ZFHX3: variants seen among roughly 807,000 people sequenced by gnomAD.
The protein encoded by ZFHX3 is zinc finger homeobox 3.
Under a neutral mutation model 279.1 loss-of-function variants are expected in ZFHX3, and 42 were observed. That is an observed-to-expected ratio of 0.15 (90% CI 0.12 to 0.19). The LOEUF (loss-of-function observed/expected upper bound fraction) is 0.19, where lower values mean the gene tolerates loss of function less well. Among genes scored for constraint, ZFHX3 ranks in the 10% least tolerant of loss-of-function variants. The probability of loss-of-function intolerance (pLI) is 1.00; values close to 1 mark genes in which losing one functional copy is unlikely to be tolerated. For synonymous variants in ZFHX3, 2,293 were observed against 1,957.8 expected, an observed-to-expected ratio of 1.17 and a Z score of -4.52; for missense variants, 4,981 against 4,754.0, an observed-to-expected ratio of 1.05 and a Z score of -1.40.
intron 2 of ZFHX3, among the ~76,000 whole-genome samples, chr16:73,542,039 A>G (rs1597375321): frequency 6.6e-6 from 1 of 151,680 alleles, no homozygotes. Context: ...TGACCTCGTG[A>G]TCTGCCCACC....
At position 72,907,657 on chromosome 16, in the gene ZFHX3, G is replaced by A. The variant is rs540226190; in HGVS notation, c.3217-17695C>T. On this transcript the variant is annotated intron_variant, in intron 3 of 9. Transcript: ENST00000268489. ...TCAGGCCACTTCCTCCTGTGTACAA[G>A]TCCATGCTAGATCCTCCAAATTCCT... Among the ~76,000 whole-genome samples the A allele has an allele frequency of 6.9e-4, 102 of 146,876 alleles. 2 individuals are homozygous for A. The highest frequency in any genetic ancestry group is 1.1e-3 in the Admixed American group (16 of 14,500).
intron 2 of ZFHX3, among the ~76,000 whole-genome samples, chr16:73,663,367 A>G (rs554526722): frequency 1.3e-5 from 2 of 152,304 alleles, no homozygotes; most frequent in East Asian, 3.9e-4. Context: ...TGCAACAGGC[A>G]TTCATCCAAG....
chr16:73,554,103 C>T (rs958766339), intron 2 of ZFHX3, among the ~76,000 whole-genome samples: 1 of 152,202 alleles, frequency 6.6e-6, no homozygotes, highest in African/African-American at 2.4e-5. Flanking sequence ...GTTTAGTTCT[C>T]TTCCTGCCAA....
At chr16:73,234,773 T>A (rs2012889301) in intron 5 of ZFHX3, among the ~76,000 whole-genome samples, 1 of 152,258 alleles carries the variant, frequency 6.6e-6, no homozygotes, top group South Asian at 2.1e-4. Context: ...CTCAAGGTTA[T>A]CAAAGTTTCT....
intron 5 of ZFHX3, among the ~76,000 whole-genome samples, chr16:73,170,141 T>C (rs562164811): frequency 6.6e-6 from 1 of 151,496 alleles, no homozygotes; most frequent in East Asian, 1.9e-4. Context: ...TGATGCTAAC[T>C]GCGAAAGTGC....
In ZFHX3 at chr16:73,626,384, G is replaced by A. The variant is rs749431701; in HGVS notation, c.-1547+53796C>T. On this transcript the variant is annotated intron_variant, in intron 2 of 17. Coordinates refer to the ZFHX3 transcript ENST00000641206. ...TGTGCCCCCTCCCCCCGCCAAAGGA[G>A]ATTTTCATCTCTAAATGCAAATTTT... 1.1e-3 allele frequency among the ~76,000 whole-genome samples: 163 copies of A among 151,994 alleles called. 2 individuals are homozygous for A. The highest frequency in any genetic ancestry group is 6.8e-3 in the Middle Eastern group (2 of 294).
upstream of ZFHX3, chr16:73,061,393 G>A (rs1484970796): frequency 6.7e-6 from 1 of 148,316 alleles, no homozygotes; most frequent in Non-Finnish European, 1.5e-5. Flanking sequence ...TTTTTTTTAA[G>A]GGAAGGATGA....
In ZFHX3 at chr16:72,796,564, G is replaced by A. The variant is rs1322353590; in HGVS notation, c.6118C>T (p.Pro2040Ser). The A allele has an allele frequency of 3.7e-6, 6 of 1,611,428 alleles. No homozygotes were observed. The highest frequency in any genetic ancestry group is 2.2e-5 in the East Asian group (1 of 44,756). ...GGAGGGGGTGGAGGGGGAGGTGGTGGTGGCTCTGGGGTCTGGGGCCTCAGT... is the reference window on the plus strand; with the variant it reads ...GGAGGGGGTGGAGGGGGAGGTGGTGATGGCTCTGGGGTCTGGGGCCTCAGT... The part of the protein sequence containing the change: ...YPLRPQTPEP[P>S]PPPPPPPPPP... The change falls in exon 9 of 10, where the codon CCA (proline) becomes TCA (serine). Residue 2040 changes from proline (P) to serine (S), a missense_variant. Around this residue, in one of 7 missense-constraint regions of ZFHX3, gnomAD observed 1,751 missense variants for 1,770.0 expected, o/e 0.99. Transcript: ENST00000268489.
intron 1 of ZFHX3, among the ~76,000 whole-genome samples, chr16:73,811,525 AC>A: frequency 6.7e-6 from 1 of 148,210 alleles, no homozygotes; most frequent in South Asian, 2.1e-4. Context: ...GCTCACTGTA[AC>A]CTCTGCCTCC....
intron 1 of ZFHX3, among the ~76,000 whole-genome samples, chr16:72,994,915 C>A (rs140147860): frequency 6.6e-6 from 1 of 152,182 alleles, no homozygotes; most frequent in Non-Finnish European, 1.5e-5. Flanking sequence ...TAGCAATATT[C>A]CGGAACCCCT....
chr16:73,478,314 A>G (rs936966395), intron 2 of ZFHX3, among the ~76,000 whole-genome samples: 8 of 151,446 alleles, frequency 5.3e-5, no homozygotes, highest in African/African-American at 1.7e-4. Context: ...AAGCCATATG[A>G]CATGCCTGAA....
chr16:73,671,823 T>G (rs1331351142), intron 2 of ZFHX3, among the ~76,000 whole-genome samples: 1 of 152,246 alleles, frequency 6.6e-6, no homozygotes, highest in Admixed American at 6.5e-5. Context: ...GCATTTAGTT[T>G]TAAATATCAT....
intron 2 of ZFHX3, among the ~76,000 whole-genome samples, chr16:73,658,428 G>A (rs867172343): frequency 1.2e-4 from 18 of 152,174 alleles, no homozygotes; most frequent in African/African-American, 4.1e-4. Context: ...TCAGCCTCCC[G>A]AGTAGCTGGG....
chr16:73,031,462 T>C (rs1964697468), intron 1 of ZFHX3, among the ~76,000 whole-genome samples: 1 of 152,136 alleles, frequency 6.6e-6, no homozygotes, highest in African/African-American at 2.4e-5. Context: ...GGAAAAGCGA[T>C]TTTCCTTGGT....
intron 4 of ZFHX3, among the ~76,000 whole-genome samples, chr16:73,280,169 T>C (rs192705682): frequency 2.4e-4 from 37 of 152,256 alleles, no homozygotes; most frequent in Admixed American, 6.5e-4. Flanking sequence ...ATAACACTCT[T>C]AGAAGAGAAC....
At chr16:73,779,439 ATC>A (rs1959377153) in intron 1 of ZFHX3, among the ~76,000 whole-genome samples, 1 of 322 alleles carries the variant, frequency 3.1e-3, no homozygotes, top group Admixed American at 0.042. Flanking sequence ...GTATGGAATC[ATC>A]GAGAAGAAAA....
chr16:73,885,866 C>T (rs182744496), intron 1 of ZFHX3, among the ~76,000 whole-genome samples: 8 of 152,224 alleles, frequency 5.3e-5, no homozygotes, highest in Admixed American at 4.6e-4. Flanking sequence ...GATGCACCCA[C>T]GCCCATCAAA....
chr16:73,822,681 C>T (rs900088648), intron 1 of ZFHX3, among the ~76,000 whole-genome samples: 1 of 152,090 alleles, frequency 6.6e-6, no homozygotes, highest in Non-Finnish European at 1.5e-5. Context: ...TAACTGAGTT[C>T]AATTTGAAAA....
intron 1 of ZFHX3, among the ~76,000 whole-genome samples, chr16:73,693,361 G>C (rs964528432): frequency 2.6e-5 from 4 of 152,108 alleles, no homozygotes; most frequent in Non-Finnish European, 5.9e-5. Flanking sequence ...TGACCTATTT[G>C]AGGGTTAATA....
Sources: allele counts gnomAD v4.1 joint callset (sites outside exome capture counted in the v4.1 genomes callset), GRCh38; gene constraint gnomAD v4.1.1; regional missense constraint gnomAD v4.1.1; transcripts MANE v1.5; gene names NCBI Gene and HGNC (gene_info 2026-07-23, HGNC 2026-07-21).